MACROD2: variants seen among roughly 807,000 people sequenced by gnomAD.
MACROD2 encodes mono-ADP ribosylhydrolase 2, also known as ADP-ribose glycohydrolase MACROD2.
In MACROD2, 36 loss-of-function variants were observed where a neutral mutation model predicts 70.4. That is an observed-to-expected ratio of 0.51 (90% CI 0.39 to 0.68). The LOEUF (loss-of-function observed/expected upper bound fraction) is 0.68. Ranked by LOEUF, MACROD2 falls within the 30% of genes least tolerant of loss-of-function variation. The pLI is 0.00. For missense variants in MACROD2, 496 were observed against 538.4 expected, an observed-to-expected ratio of 0.92 and a Z score of 0.78; for synonymous variants, 172 against 178.8, an observed-to-expected ratio of 0.96 and a Z score of 0.30.
At chr20:16,040,206 A>G (rs1425188202) in intron 15 of MACROD2, among the ~76,000 whole-genome samples, 1 of 151,898 alleles carries the variant, frequency 6.6e-6, no homozygotes, top group African/African-American at 2.4e-5. Flanking sequence ...CTTAATTGTC[A>G]ACCTCAATAC....
intron 4 of MACROD2, among the ~76,000 whole-genome samples, chr20:14,606,082 C>T (rs1341908513): frequency 2.6e-5 from 4 of 151,942 alleles, no homozygotes; most frequent in East Asian, 1.9e-4. Context: ...ATAGAATGGG[C>T]GCTTGTTACT....
intron 12 of MACROD2, among the ~76,000 whole-genome samples, chr20:15,950,426 C>T (rs2065887941): frequency 6.6e-6 from 1 of 152,096 alleles, no homozygotes; most frequent in Non-Finnish European, 1.5e-5. Context: ...CCAGGAGTCT[C>T]CACAAGGCCA....
chr20:14,409,305 G>A (rs1226937591), intron 3 of MACROD2, among the ~76,000 whole-genome samples: 1 of 151,920 alleles, frequency 6.6e-6, no homozygotes, highest in Non-Finnish European at 1.5e-5. Context: ...CTTCTGTGAT[G>A]GTATCCCTAC....
At chr20:15,072,272 G>A (rs540535649) in intron 5 of MACROD2, among the ~76,000 whole-genome samples, 23 of 152,210 alleles carry the variant, frequency 1.5e-4, no homozygotes, top group African/African-American at 5.5e-4. Flanking sequence ...AAGATCTTCG[G>A]TATCTTTCAT....
intron 5 of MACROD2, among the ~76,000 whole-genome samples, chr20:15,179,557 T>G (rs1050263494): frequency 6.6e-6 from 1 of 152,184 alleles, no homozygotes; most frequent in African/African-American, 2.4e-5. Context: ...GTTTTTACCC[T>G]GCTTACAAGA....
At position 15,962,107 on chromosome 20, in the gene MACROD2, T is replaced by C. The variant is rs1003074883; in HGVS notation, c.908-5446T>C. 2.0e-5 allele frequency among the ~76,000 whole-genome samples: 3 copies of C among 152,342 alleles called. No individual in the cohort carries two copies. The East Asian group carries it at 5.8e-4, about 29-fold the overall frequency. On this transcript the variant is annotated intron_variant, in intron 12 of 17. Coordinates refer to ENST00000684519, the MANE Select transcript of MACROD2 (RefSeq NM_001351661.2). The stretch of plus-strand genomic sequence containing the variant: ...TTATGATGATTCTTTGTTGAGTCGC[T>C]GACTTAAAGACAGCCAGTGTGGCAC...
At chr20:14,734,520 AAAAAACAAAAAC>A (rs1044637674) in intron 5 of MACROD2, among the ~76,000 whole-genome samples, 1 of 134,194 alleles carries the variant, frequency 7.5e-6, no homozygotes. Flanking sequence ...AAAAAAACAA[AAAAAACAAAAAC>A]AAAAACAAAA....
intron 6 of MACROD2, among the ~76,000 whole-genome samples, chr20:15,425,417 C>A (rs1269488493): frequency 2.0e-5 from 3 of 152,076 alleles, no homozygotes; most frequent in African/African-American, 4.8e-5. Context: ...CAAAGTAACA[C>A]AAAATAATGG....
At chr20:15,161,152 C>A (rs143408888) in intron 5 of MACROD2, among the ~76,000 whole-genome samples, 1 of 151,974 alleles carries the variant, frequency 6.6e-6, no homozygotes, top group African/African-American at 2.4e-5. Flanking sequence ...TACATATATA[C>A]AATGGGACTA....
chr20:14,670,701 G>A (rs570318056), intron 4 of MACROD2, among the ~76,000 whole-genome samples: 1 of 152,240 alleles, frequency 6.6e-6, no homozygotes, highest in South Asian at 2.1e-4. Context: ...AAAACACAAA[G>A]TCATTTTTTA....
At chr20:14,077,419 A>G (rs143523165) in intron 2 of MACROD2, among the ~76,000 whole-genome samples, 1 of 152,342 alleles carries the variant, frequency 6.6e-6, no homozygotes, top group African/African-American at 2.4e-5. Context: ...ATAGAATGCT[A>G]GTATGTGACA....
intron 6 of MACROD2, among the ~76,000 whole-genome samples, chr20:15,334,799 T>C (rs778728872): frequency 1.3e-5 from 2 of 151,624 alleles, no homozygotes; most frequent in Non-Finnish European, 2.9e-5. Flanking sequence ...ACTTAGAAAA[T>C]GTAATTTTCT....
At chr20:15,614,442 T>C (rs984167826) in intron 8 of MACROD2, among the ~76,000 whole-genome samples, 3 of 152,178 alleles carry the variant, frequency 2.0e-5, no homozygotes, top group Non-Finnish European at 4.4e-5. Context: ...CATTTTATAA[T>C]TGGAGTAAAG....
intron 5 of MACROD2, among the ~76,000 whole-genome samples, chr20:14,862,102 T>A (rs1839586172): frequency 7.4e-5 from 1 of 13,462 alleles, no homozygotes; most frequent in Non-Finnish European, 1.2e-4. Flanking sequence ...AATATATATT[T>A]ATACATAAAT....
chr20:15,678,501 A>G (rs201219), intron 8 of MACROD2, among the ~76,000 whole-genome samples: 130,373 of 151,720 alleles, frequency 0.86, 56,122 homozygotes, highest in Admixed American at 0.89. Context: ...CTGGGACTAC[A>G]GGCGCCCGCC....
chr20:14,735,551 T>A (rs1011862111), intron 5 of MACROD2, among the ~76,000 whole-genome samples: 5 of 152,074 alleles, frequency 3.3e-5, no homozygotes, highest in African/African-American at 1.2e-4. Flanking sequence ...GGTGGAAATA[T>A]AAAGTGGTGC....
At chr20:15,151,461 C>T (rs1191770593) in intron 5 of MACROD2, among the ~76,000 whole-genome samples, 2 of 152,120 alleles carry the variant, frequency 1.3e-5, no homozygotes, top group African/African-American at 4.8e-5. Context: ...TATTATTGTA[C>T]ACCTTGAAGG....
At chr20:15,928,043 C>T (rs570529427) in intron 10 of MACROD2, among the ~76,000 whole-genome samples, 9 of 152,156 alleles carry the variant, frequency 5.9e-5, no homozygotes, top group South Asian at 4.2e-4. Context: ...TGAAAAGTGG[C>T]GAAACACAGA....
At chr20:14,358,683 C>T (rs2083195034) in intron 3 of MACROD2, among the ~76,000 whole-genome samples, 1 of 152,038 alleles carries the variant, frequency 6.6e-6, no homozygotes, top group Non-Finnish European at 1.5e-5. Context: ...GTCTCGATTT[C>T]TTGACCTCGT....
Sources: gnomAD v4.1 joint callset for allele counts (sites outside exome capture counted in the v4.1 genomes callset) on GRCh38, gnomAD v4.1.1 for gene constraint, MANE v1.5 for transcripts, NCBI Gene and HGNC (gene_info 2026-07-23, HGNC 2026-07-21) for gene names.